Variants in SLC39A10 observed in about 807,000 individuals in gnomAD.
SLC39A10 encodes zinc transporter ZIP10.
In SLC39A10, 13 loss-of-function variants were observed where a neutral mutation model predicts 65.1. That is an observed-to-expected ratio of 0.20 (90% CI 0.13 to 0.32). The LOEUF (loss-of-function observed/expected upper bound fraction) is 0.32, where lower values mean the gene tolerates loss of function less well. Ranked by LOEUF, SLC39A10 falls within the 10% of genes least tolerant of loss-of-function variation. The probability of loss-of-function intolerance (pLI) is 1.00; values close to 1 mark genes in which losing one functional copy is unlikely to be tolerated. For missense variants in SLC39A10, 831 were observed against 1,018.4 expected (o/e 0.82, Z 2.50); for synonymous variants, 321 against 342.2 (o/e 0.94, Z 0.68).
intron 1 of SLC39A10, among the ~76,000 whole-genome samples, chr2:195,678,857 TATA>T (rs1462426939): frequency 6.6e-6 from 1 of 152,184 alleles, no homozygotes; most frequent in Non-Finnish European, 1.5e-5. Context: ...ATGTTGAAAT[TATA>T]ATATTTTGGA....
intron 2 of SLC39A10, among the ~76,000 whole-genome samples, chr2:195,616,813 C>T (rs1688221443): frequency 6.6e-6 from 1 of 152,116 alleles, no homozygotes; most frequent in Admixed American, 6.5e-5. Context: ...CCATGTTAGC[C>T]AGGATGGTCT....
chr2:195,665,183 A>C (rs1039137174), intron 1 of SLC39A10, among the ~76,000 whole-genome samples: 16 of 152,076 alleles, frequency 1.1e-4, no homozygotes, highest in Non-Finnish European at 2.9e-5. Flanking sequence ...TGGGTGTGGT[A>C]GCAGGTGCCT....
Position 195,737,303 on chromosome 2 carries a change from A to C in SLC39A10, c.*2262A>C, listed in dbSNP as rs1475468155. 6.5e-6 allele frequency: 1 copy of C among 152,762 alleles called. No homozygotes were observed. The highest frequency in any genetic ancestry group is 1.5e-5 in the Non-Finnish European group (1 of 68,190). 9.5% of individuals were successfully genotyped at this position (152,762 alleles called of 1,614,324 possible). ...GTCTAATTTAAAATGTGTTTGTTGG[A>C]GGTCATTAACGTTACTTGTACAATG... On this transcript the variant is annotated 3_prime_UTR_variant, in exon 10 of 10. Coordinates refer to ENST00000359634, the MANE Select transcript of SLC39A10 (RefSeq NM_020342.3).
intron 2 of SLC39A10, among the ~76,000 whole-genome samples, chr2:195,649,595 A>T (rs1439075528): frequency 6.6e-6 from 1 of 152,250 alleles, no homozygotes; most frequent in Non-Finnish European, 1.5e-5. Flanking sequence ...GCCTTTTTAA[A>T]AAAATTTACG....
chr2:195,657,216 A>T (rs1689176745), upstream of SLC39A10: 1 of 206,252 alleles, frequency 4.8e-6, no homozygotes, highest in Non-Finnish European at 8.5e-6. Flanking sequence ...TGGTGAATAC[A>T]CGATTTGGTG....
chr2:195,613,434 T>A (rs981628205), intron 2 of SLC39A10, among the ~76,000 whole-genome samples: 2 of 152,228 alleles, frequency 1.3e-5, no homozygotes. Context: ...GCATGCTTTA[T>A]AAAATTACAA....
At chr2:195,664,787 T>TA (rs755393069) in intron 1 of SLC39A10, among the ~76,000 whole-genome samples, 2 of 152,220 alleles carry the variant, frequency 1.3e-5, no homozygotes, top group East Asian at 1.9e-4. Flanking sequence ...TGAAAAGTGT[T>TA]AAAGTTTTTA....
chr2:195,721,064 C>G (rs1692016201), intron 8 of SLC39A10, among the ~76,000 whole-genome samples: 1 of 152,140 alleles, frequency 6.6e-6, no homozygotes, highest in Non-Finnish European at 1.5e-5. Flanking sequence ...ACCTCAGCCT[C>G]CTGAGTAGCT....
chr2:195,698,268 A>T (rs1691047146), intron 3 of SLC39A10, among the ~76,000 whole-genome samples: 1 of 152,162 alleles, frequency 6.6e-6, no homozygotes, highest in African/African-American at 2.4e-5. Context: ...ATCAAGTGCA[A>T]ACAGATGTAA....
chr2:195,681,853 T>G (rs13412015), intron 2 of SLC39A10, among the ~76,000 whole-genome samples: 104 of 152,302 alleles, frequency 6.8e-4, no homozygotes, highest in African/African-American at 2.4e-3. Flanking sequence ...TTTATTGAAT[T>G]AACTATTGAG....
intron 3 of SLC39A10, among the ~76,000 whole-genome samples, chr2:195,701,339 T>G (rs1164549454): frequency 5.5e-5 from 2 of 36,144 alleles, no homozygotes; most frequent in Non-Finnish European, 1.9e-4. Flanking sequence ...CTTCTTGACT[T>G]TTTTTTTTTT....
At chr2:195,651,280 C>T (rs559544185) in intron 2 of SLC39A10, among the ~76,000 whole-genome samples, 1 of 152,136 alleles carries the variant, frequency 6.6e-6, no homozygotes, top group Non-Finnish European at 1.5e-5. Context: ...AGTGTGTTTG[C>T]CGTGTTAGAT....
chr2:195,661,734 A>G (rs1689405377), intron 1 of SLC39A10, among the ~76,000 whole-genome samples: 1 of 152,196 alleles, frequency 6.6e-6, no homozygotes, highest in Admixed American at 6.5e-5. Context: ...AATGGTAGAT[A>G]TTTTTATGTT....
chr2:195,666,129 T>A (rs1689626051), intron 1 of SLC39A10, among the ~76,000 whole-genome samples: 1 of 152,186 alleles, frequency 6.6e-6, no homozygotes, highest in African/African-American at 2.4e-5. Flanking sequence ...GGGAATGTGG[T>A]CAAGACTCTA....
chr2:195,663,427 A>G (rs1338739056), intron 1 of SLC39A10, among the ~76,000 whole-genome samples: 1 of 152,188 alleles, frequency 6.6e-6, no homozygotes, highest in Non-Finnish European at 1.5e-5. Flanking sequence ...GATTTATTTA[A>G]ATACTTTATC....
intron 1 of SLC39A10, among the ~76,000 whole-genome samples, chr2:195,665,765 A>G (rs190561356): frequency 6.6e-5 from 10 of 152,224 alleles, no homozygotes; most frequent in South Asian, 2.1e-4. Context: ...ATTCATTACC[A>G]TGTCTCCAGA....
intron 8 of SLC39A10, among the ~76,000 whole-genome samples, chr2:195,725,091 GAAGA>G (rs1257320832): frequency 1.3e-5 from 2 of 151,724 alleles, no homozygotes; most frequent in East Asian, 3.9e-4. Flanking sequence ...AAAAAAAAAG[GAAGA>G]AAGAAAAATA....
chr2:195,709,533 C>T (rs1223023877), intron 5 of SLC39A10, among the ~76,000 whole-genome samples: 1 of 151,900 alleles, frequency 6.6e-6, no homozygotes, highest in Non-Finnish European at 1.5e-5. Flanking sequence ...TGCCTGGTGC[C>T]CTCTAACTAT....
intron 3 of SLC39A10, among the ~76,000 whole-genome samples, chr2:195,697,436 T>TTTTTTAAATTTAAC (rs1200356364): frequency 6.6e-6 from 1 of 152,170 alleles, no homozygotes; most frequent in African/African-American, 2.4e-5. Flanking sequence ...TTTTTACTCT[T>TTTTTTAAATTTAAC]TTTTTAAATT....
Sources: gnomAD v4.1 joint callset for allele counts (sites outside exome capture counted in the v4.1 genomes callset) on GRCh38, gnomAD v4.1.1 for gene constraint, MANE v1.5 for transcripts, NCBI Gene and HGNC (gene_info 2026-07-23, HGNC 2026-07-21) for gene names.